UNC119B: variants seen among roughly 807,000 people sequenced by gnomAD.
UNC119B encodes the protein unc-119 lipid binding chaperone B.
In UNC119B, 16 loss-of-function variants were observed where a neutral mutation model predicts 23.4. The ratio of observed to expected loss-of-function variants is 0.68; its 90% CI spans 0.46 to 1.04. UNC119B has a LOEUF of 1.04. Ranked by LOEUF, UNC119B falls within the 50% of genes least tolerant of loss-of-function variation. UNC119B has a pLI of 0.00. For missense variants in UNC119B, 350 were observed against 361.3 expected (o/e 0.97, Z 0.25); for synonymous variants, 144 against 145.4 (o/e 0.99, Z 0.07).
Position 120,720,247 on chromosome 12 carries a change from G to T in UNC119B, c.*215G>T, listed in dbSNP as rs1371812590. 1.8e-6 allele frequency: 1 copy of T among 559,934 alleles called. No homozygotes were observed. 34.7% of individuals were successfully genotyped at this position (559,934 alleles called of 1,614,324 possible). A position where few individuals can be genotyped will look rare whatever the true frequency, so the allele number is the denominator to read the frequency against. On this transcript the variant is annotated 3_prime_UTR_variant, in exon 5 of 5. Coordinates refer to ENST00000344651, the MANE Select transcript of UNC119B (RefSeq NM_001080533.3). ...TCTTCCCTTTTTTTCCTGCCCCGTA[G>T]GTTGCAGAGGTACTATAGTAAAGTA... is the stretch of plus-strand genomic sequence containing the variant.
In UNC119B at chr12:120,710,625, G is replaced by A; in HGVS notation, c.151G>A (p.Asp51Asn). ...RRQAPHHAAD[D>N]GVGAAVTEQE... is the part of the protein sequence containing the mutation. ...GCAGGCGCCCCACCACGCGGCCGAC[G>A]ACGGCGTCGGGGCAGCGGTCACGGA... Residue 51 changes from aspartate (D) to asparagine (N), a missense_variant, in exon 1 of 5, where the codon GAC (aspartate) becomes AAC (asparagine). By Grantham distance (23) the Asp-to-Asn change is conservative (BLOSUM62 1). Transcript: ENST00000344651. 1 of 1,443,672 alleles carries A rather than the reference G, an allele frequency of 6.9e-7. No homozygotes were observed. Among genetic ancestry groups the A allele is most frequent in the South Asian group, 1.3e-5 (1 of 74,212 alleles). The allele number at this position is 1,443,672 out of a possible 1,614,324, so 89.4% of individuals were successfully genotyped here.
chr12:120,713,823 G>A (rs1882717735), intron 2 of UNC119B, among the ~76,000 whole-genome samples: 2 of 152,210 alleles, frequency 1.3e-5, no homozygotes, highest in Non-Finnish European at 2.9e-5. Flanking sequence ...TGCCCTCTTG[G>A]AGGGTGATAG....
intron 1 of UNC119B, among the ~76,000 whole-genome samples, chr12:120,712,785 A>G (rs935643443): frequency 6.6e-6 from 1 of 152,240 alleles, no homozygotes; most frequent in African/African-American, 2.4e-5. Context: ...TAGTTGTGAC[A>G]GAGACCATGT....
At position 120,720,854 on chromosome 12, in the gene UNC119B, G is replaced by A. The variant is rs920947518; in HGVS notation, c.*822G>A. 1 of 152,204 alleles carries A rather than the reference G, an allele frequency of 6.6e-6. No homozygotes were observed. Among genetic ancestry groups the A allele is most frequent in the African/African-American group, 2.4e-5 (1 of 41,436 alleles). The allele number at this position is 152,204 out of a possible 1,614,324, so 9.4% of individuals were successfully genotyped here. ...GAGGCCAGAGCAGGTCTTGTATTTT[G>A]TTTTTTTATTTCCAGACTTCTTTCG... is the stretch of plus-strand genomic sequence containing the variant. On this transcript the variant is annotated 3_prime_UTR_variant, in exon 5 of 5. Transcript: ENST00000344651.
rs1354199198 is a variant in UNC119B at position 120,721,931 on chromosome 12, C to A, written c.*1899C>A. 2 of 152,686 alleles carry A rather than the reference C, an allele frequency of 1.3e-5. No individual in the cohort carries two copies. The highest frequency in any genetic ancestry group is 4.8e-5 in the African/African-American group (2 of 41,464). The allele number at this position is 152,686 out of a possible 1,614,324, so 9.5% of individuals were successfully genotyped here. On this transcript the variant is annotated 3_prime_UTR_variant, in exon 5 of 5. Transcript: ENST00000344651. ...TCACCTTCTGTTTCTCATTGTGGCT[C>A]CTCAAATGGGATTTGCATGTTCCTG...
At chr12:120,711,060 A>C (rs1882655719) in intron 1 of UNC119B, 1 of 190,816 alleles carries the variant, frequency 5.2e-6, no homozygotes. Flanking sequence ...GAGGTCCCCT[A>C]ATAAATGGGC....
chr12:120,710,729 C>G lies in UNC119B; in HGVS notation c.244+11C>G. 1 of 1,359,176 alleles carries G rather than the reference C, an allele frequency of 7.4e-7. No individual in the cohort carries two copies. Among genetic ancestry groups the G allele is most frequent in the Non-Finnish European group, 9.4e-7 (1 of 1,059,102 alleles). 84.2% of individuals were successfully genotyped at this position (1,359,176 alleles called of 1,614,324 possible). On this transcript the variant is annotated intron_variant, in intron 1 of 4. Transcript: ENST00000344651. ...GCCGGGTCACCGAGAGTGAGTGCCG[C>G]GCGGGCCGCGCCCTCCCCTCGCGCC...
chr12:120,715,559 G>GT (rs1882764219), intron 2 of UNC119B, among the ~76,000 whole-genome samples: 1 of 74,590 alleles, frequency 1.3e-5, no homozygotes, highest in Non-Finnish European at 2.4e-5. Context: ...TTGAGACGGA[G>GT]TTTCACTCTT....
At chr12:120,717,520 A>G (rs1355092336) in intron 4 of UNC119B, among the ~76,000 whole-genome samples, 1 of 146,752 alleles carries the variant, frequency 6.8e-6, no homozygotes, top group African/African-American at 2.5e-5. Context: ...GCCTCCCACA[A>G]TGCTGGGATT....
chr12:120,717,157 G>A (rs1882798962), intron 4 of UNC119B, 115 bp downstream of exon 4: 2 of 1,038,232 alleles, frequency 1.9e-6, no homozygotes, highest in Non-Finnish European at 2.8e-6. Context: ...CTGACATGAT[G>A]CGTATCTAGT....
chr12:120,713,259 CTCTCTTG>C lies in UNC119B; in HGVS notation c.245-13_245-7del, dbSNP rs3833788. On this transcript the variant is annotated splice_region_variant and splice_polypyrimidine_tract_variant and intron_variant, in intron 1 of 4. Transcript: ENST00000344651. ...GGATTATTTAACAGTGTTGGTTTCT[CTCTCTTG>C]TTTTCAGATTATTTATGTAAACCCG... 617,624 of 1,580,274 alleles carry C rather than the reference CTCTCTTG, an allele frequency of 0.39. 124,015 individuals are homozygous for C. Among genetic ancestry groups the C allele is most frequent in the Middle Eastern group, 0.51 (3,017 of 5,968 alleles).
chr12:120,716,625 C>T lies in UNC119B; in HGVS notation c.359-3C>T. ...GCACTGAAGATTCTGTGTGCTCTTT[C>T]AGACCAGGAGGAGGATGAGGAGGAG... On this transcript the variant is annotated splice_polypyrimidine_tract_variant and splice_region_variant and intron_variant, in intron 2 of 4. Coordinates refer to ENST00000344651, the MANE Select transcript of UNC119B (RefSeq NM_001080533.3). 1.9e-6 allele frequency: 3 copies of T among 1,614,112 alleles called. No individual in the cohort carries two copies. The highest frequency in any genetic ancestry group is 1.3e-5 in the African/African-American group (1 of 75,056).
chr12:120,710,640 G>A lies in UNC119B; in HGVS notation c.166G>A (p.Ala56Thr). 1 of 1,447,754 alleles carries A rather than the reference G, an allele frequency of 6.9e-7. No individual in the cohort carries two copies. The highest frequency in any genetic ancestry group is 9.1e-7 in the Non-Finnish European group (1 of 1,104,760). The allele number at this position is 1,447,754 out of a possible 1,614,324, so 89.7% of individuals were successfully genotyped here. The stretch of plus-strand genomic sequence containing the variant: ...CGCGGCCGACGACGGCGTCGGGGCA[G>A]CGGTCACGGAGCAGGAGCTGCTGGC... Reference protein sequence around the residue: ...HHAADDGVGAAVTEQELLALD... With the variant: ...HHAADDGVGATVTEQELLALD... Residue 56 changes from alanine to threonine, a missense_variant, in exon 1 of 5, where the codon GCG becomes ACG. Physicochemically the swap from Ala to Thr is moderately conservative, Grantham distance 58. Coordinates refer to ENST00000344651, the MANE Select transcript of UNC119B (RefSeq NM_001080533.3).
Position 120,721,795 on chromosome 12 carries a change from C to G in UNC119B, c.*1763C>G, listed in dbSNP as rs1280471372. On this transcript the variant is annotated 3_prime_UTR_variant, in exon 5 of 5. Transcript: ENST00000344651. ...CTCAGAACTGGCGTCCACTGTAAAT[C>G]CAGGTGCCTTACGTGTGGCTCTGTC... 6.5e-6 allele frequency: 1 copy of G among 152,700 alleles called. No individual in the cohort carries two copies. The highest frequency in any genetic ancestry group is 1.5e-5 in the Non-Finnish European group (1 of 68,074). The allele number at this position is 152,700 out of a possible 1,614,324, so 9.5% of individuals were successfully genotyped here.
At chr12:120,715,227 C>A (rs1178625005) in intron 2 of UNC119B, among the ~76,000 whole-genome samples, 1 of 152,144 alleles carries the variant, frequency 6.6e-6, no homozygotes, top group Non-Finnish European at 1.5e-5. Flanking sequence ...AGATTATCCT[C>A]ACACTGAATC....
At chr12:120,714,447 A>G (rs1249921338) in intron 2 of UNC119B, among the ~76,000 whole-genome samples, 1 of 151,994 alleles carries the variant, frequency 6.6e-6, no homozygotes, top group Non-Finnish European at 1.5e-5. Flanking sequence ...CAGCCTCCCA[A>G]GTAGCTGAGA....
At position 120,723,565 on chromosome 12, in the gene UNC119B, G is replaced by A. The variant is rs1269113676; in HGVS notation, c.*3533G>A. 1 of 152,144 alleles carries A rather than the reference G, an allele frequency of 6.6e-6. No homozygotes were observed. Among genetic ancestry groups the A allele is most frequent in the Non-Finnish European group, 1.5e-5 (1 of 68,034 alleles). 9.4% of individuals were successfully genotyped at this position (152,144 alleles called of 1,614,324 possible). ...AGTTTTTATTGTCTTTGTGTCCAAA[G>A]TAAACTAGGTGACTTATTTGTATAA... On this transcript the variant is annotated 3_prime_UTR_variant, in exon 5 of 5. Coordinates refer to ENST00000344651, the MANE Select transcript of UNC119B (RefSeq NM_001080533.3).
chr12:120,711,027 T>A, intron 1 of UNC119B: 1 of 235,914 alleles, frequency 4.2e-6, no homozygotes, highest in Non-Finnish European at 8.2e-6. Flanking sequence ...CTGAACTGGA[T>A]CCTCCTGAGC....
chr12:120,712,640 T>C (rs973493515), intron 1 of UNC119B, among the ~76,000 whole-genome samples: 2 of 152,242 alleles, frequency 1.3e-5, no homozygotes, highest in Non-Finnish European at 2.9e-5. Flanking sequence ...AAAAAAACTT[T>C]AAAATCTTGA....
Sources: allele counts gnomAD v4.1 joint callset (sites outside exome capture counted in the v4.1 genomes callset), GRCh38; gene constraint gnomAD v4.1.1; transcripts MANE v1.5; gene names NCBI Gene and HGNC (gene_info 2026-07-23, HGNC 2026-07-21).